THSD4: variants seen among roughly 807,000 people sequenced by gnomAD.
The protein encoded by THSD4 is thrombospondin type 1 domain containing 4, also known as thrombospondin type-1 domain-containing protein 4.
Under a neutral mutation model 119.0 loss-of-function variants are expected in THSD4, and 69 were observed. The observed-to-expected ratio is 0.58, with a 90% CI of 0.48 to 0.71. The LOEUF (loss-of-function observed/expected upper bound fraction) is 0.71. Among genes scored for constraint, THSD4 ranks in the 30% least tolerant of loss-of-function variants. THSD4 has a pLI of 0.00. For missense variants in THSD4, 1,393 were observed against 1,391.1 expected (o/e 1.00, Z -0.02); for synonymous variants, 524 against 540.4 (o/e 0.97, Z 0.42).
intron 3 of THSD4, among the ~76,000 whole-genome samples, chr15:71,188,006 C>T (rs1278999293): frequency 3.3e-5 from 5 of 152,208 alleles, no homozygotes; most frequent in Admixed American, 2.6e-4. Flanking sequence ...TATCCTGATA[C>T]AATTATTAAT....
At position 71,670,666 on chromosome 15, in the gene THSD4, C is replaced by T. The variant is rs544157231; in HGVS notation, c.1357+9932C>T. Among the ~76,000 whole-genome samples, 53 of 151,488 alleles carry T rather than the reference C, an allele frequency of 3.5e-4. No individual in the cohort carries two copies. In the South Asian group the frequency reaches 7.5e-3, roughly 21 times the overall value. ...TCCCCCATCCCCCTGCCACACAACA[C>T]GCCCCGGTGTGATGTTCCCCATCCT... On this transcript the variant is annotated intron_variant, in intron 8 of 17. Coordinates refer to ENST00000261862, the MANE Select transcript of THSD4 (RefSeq NM_024817.3).
chr15:71,216,586 G>C (rs137890902), intron 4 of THSD4, among the ~76,000 whole-genome samples: 3 of 152,354 alleles, frequency 2.0e-5, no homozygotes, highest in African/African-American at 7.2e-5. Flanking sequence ...AGTCAAGTTT[G>C]AGTAGACAGA....
chr15:71,735,754 C>CTCTCTGTCTGTCTTCTTCTCTG (rs2053078794), intron 10 of THSD4, among the ~76,000 whole-genome samples: 2 of 149,822 alleles, frequency 1.3e-5, no homozygotes, highest in South Asian at 4.2e-4. Context: ...GTCTCTCTTG[C>CTCTCTGTCTGTCTTCTTCTCTG]TCTCTGTCTG....
At chr15:71,256,094 TG>T (rs2044312769) in intron 5 of THSD4, among the ~76,000 whole-genome samples, 1 of 152,222 alleles carries the variant, frequency 6.6e-6, no homozygotes, top group South Asian at 2.1e-4. Context: ...ACATGAAGCC[TG>T]GGGATCTGCA....
At chr15:71,198,730 TG>T (rs201385934) in intron 3 of THSD4, among the ~76,000 whole-genome samples, 2,191 of 152,308 alleles carry the variant, frequency 0.014, 59 homozygotes, top group African/African-American at 0.051. Flanking sequence ...CTGGCATATG[TG>T]GGCTCTAGGT....
intron 3 of THSD4, among the ~76,000 whole-genome samples, chr15:71,193,433 G>A (rs1336386286): frequency 6.6e-6 from 1 of 152,092 alleles, no homozygotes; most frequent in African/African-American, 2.4e-5. Flanking sequence ...GGTACCCTTG[G>A]GATAACTGTA....
At chr15:71,670,680 G>A (rs2051507394) in intron 8 of THSD4, among the ~76,000 whole-genome samples, 3 of 150,744 alleles carry the variant, frequency 2.0e-5, no homozygotes, top group Non-Finnish European at 4.4e-5. Flanking sequence ...CCGGTGTGAT[G>A]TTCCCCATCC....
chr15:71,239,498 A>C (rs1458137336), intron 4 of THSD4, among the ~76,000 whole-genome samples: 2 of 152,142 alleles, frequency 1.3e-5, no homozygotes, highest in Non-Finnish European at 2.9e-5. Context: ...CATGTCGTGA[A>C]CCACTAGCCT....
intron 7 of THSD4, among the ~76,000 whole-genome samples, chr15:71,591,145 T>C (rs952947955): frequency 1.8e-4 from 27 of 151,968 alleles, no homozygotes; most frequent in Middle Eastern, 3.4e-3. Context: ...AAAGCACTTC[T>C]ATAGACTTCC....
At chr15:71,111,177 G>A (rs2040301562), upstream of THSD4, 3 of 1,612,166 alleles carry the variant, frequency 1.9e-6, no homozygotes, top group Admixed American at 1.7e-5. Context: ...GATGTGGGGT[G>A]AGAAAGAGGA....
chr15:71,275,460 C>T (rs2044578780), intron 6 of THSD4, among the ~76,000 whole-genome samples: 1 of 152,182 alleles, frequency 6.6e-6, no homozygotes, highest in Non-Finnish European at 1.5e-5. Flanking sequence ...TTGTACCTTG[C>T]ATGGACCTTG....
intron 7 of THSD4, among the ~76,000 whole-genome samples, chr15:71,484,814 G>A (rs918282571): frequency 2.0e-5 from 3 of 152,168 alleles, no homozygotes; most frequent in African/African-American, 4.8e-5. Context: ...TGGGGCCAAA[G>A]TTTCCCCTCC....
intron 2 of THSD4, among the ~76,000 whole-genome samples, chr15:71,143,086 C>A (rs1249006314): frequency 6.6e-6 from 1 of 152,084 alleles, no homozygotes; most frequent in East Asian, 1.9e-4. Flanking sequence ...CAAATACCCG[C>A]AGAGAACTAC....
At chr15:71,703,344 GTTA>G (rs1039758110) in intron 8 of THSD4, among the ~76,000 whole-genome samples, 22 of 152,112 alleles carry the variant, frequency 1.4e-4, no homozygotes, top group Admixed American at 5.2e-4. Context: ...TAATTTTTCT[GTTA>G]TTATTATATG....
intron 12 of THSD4, 45 bp downstream of exon 12, chr15:71,745,280 C>T (rs759679000): frequency 2.5e-6 from 4 of 1,608,562 alleles, no homozygotes; most frequent in South Asian, 2.2e-5. Context: ...CGGGTCACTT[C>T]AGGTCACTTA....
rs556393557 is a variant in THSD4, at chr15:71,212,706, C to T, written c.100-2329C>T. Among the ~76,000 whole-genome samples the T allele has an allele frequency of 5.9e-5, 9 of 152,290 alleles. No individual in the cohort carries two copies. In the Middle Eastern group the frequency reaches 0.01, roughly 173 times the overall value. Reference sequence around the variant, plus strand: ...TGCAGGGAGAAAAATGAATTTAGACCAGAAGTCGGGAGACAATTTTAGTCC... The same window carrying T: ...TGCAGGGAGAAAAATGAATTTAGACTAGAAGTCGGGAGACAATTTTAGTCC... On this transcript the variant is annotated intron_variant, in intron 3 of 17. Coordinates refer to ENST00000261862, the MANE Select transcript of THSD4 (RefSeq NM_024817.3).
intron 6 of THSD4, among the ~76,000 whole-genome samples, chr15:71,340,690 C>A (rs2045555063): frequency 6.6e-6 from 1 of 150,738 alleles, no homozygotes; most frequent in South Asian, 2.1e-4. Flanking sequence ...GCTGCAACCT[C>A]TGCCTGCTGG....
chr15:71,253,532 C>T (rs140007915), intron 5 of THSD4, among the ~76,000 whole-genome samples: 122 of 152,100 alleles, frequency 8.0e-4, no homozygotes, highest in African/African-American at 2.7e-3. Flanking sequence ...CTCAGCCTCC[C>T]GAGTAGCTGA....
Position 71,389,810 on chromosome 15 carries a change from G to GTTTT in THSD4, c.1016-21863_1016-21860dup, listed in dbSNP as rs556682631. On this transcript the variant is annotated intron_variant, in intron 6 of 17. Coordinates refer to ENST00000261862, the MANE Select transcript of THSD4 (RefSeq NM_024817.3). Reference sequence around the variant, plus strand: ...GCCAACACTTGCTATTTTCTGGGTTGTTTTTTTTTTTTTTTTTGACACAGA... The same window carrying GTTTT: ...GCCAACACTTGCTATTTTCTGGGTTGTTTTTTTTTTTTTTTTTTTTTGACACAGA... Among the ~76,000 whole-genome samples the GTTTT allele has an allele frequency of 2.0e-3, 177 of 88,016 alleles. 22 individuals are homozygous for GTTTT. Among genetic ancestry groups the GTTTT allele is most frequent in the Middle Eastern group, 0.014 (1 of 70 alleles). 57.7% of individuals were successfully genotyped at this position (88,016 alleles called of 152,430 possible).
Sources: gnomAD v4.1 joint callset for allele counts (sites outside exome capture counted in the v4.1 genomes callset) on GRCh38, gnomAD v4.1.1 for gene constraint, MANE v1.5 for transcripts, NCBI Gene and HGNC (gene_info 2026-07-23, HGNC 2026-07-21) for gene names.